Variants in SRGAP3 observed in about 807,000 individuals in gnomAD.
The protein encoded by SRGAP3 is SLIT-ROBO Rho GTPase-activating protein 3.
SRGAP3 carries 39 observed loss-of-function variants against 121.1 expected under a neutral mutation model. The observed-to-expected ratio is 0.32, with a 90% CI of 0.25 to 0.42. SRGAP3 has a LOEUF of 0.42. Among genes scored for constraint, SRGAP3 ranks in the 10% least tolerant of loss-of-function variants. SRGAP3 has a pLI of 1.00. For missense variants in SRGAP3, 1,213 were observed against 1,470.6 expected (o/e 0.82, Z 2.86); for synonymous variants, 601 against 570.0 (o/e 1.05, Z -0.77).
chr3:9,204,967 T>C (rs925311399), intron 1 of SRGAP3, among the ~76,000 whole-genome samples: 3 of 152,256 alleles, frequency 2.0e-5, no homozygotes, highest in Admixed American at 6.5e-5. Flanking sequence ...TTGTTTAAGC[T>C]TCCATGGGCC....
intron 18 of SRGAP3, among the ~76,000 whole-genome samples, chr3:9,003,331 T>C (rs1485049266): frequency 1.3e-5 from 2 of 152,048 alleles, no homozygotes; most frequent in African/African-American, 2.4e-5. Context: ...TACAAAAAAT[T>C]AGCCTGGTAT....
At chr3:9,341,554 A>G (rs1266331933) in intron 1 of SRGAP3, among the ~76,000 whole-genome samples, 2 of 152,172 alleles carry the variant, frequency 1.3e-5, no homozygotes, top group African/African-American at 4.8e-5. Context: ...GTCAGCAGCA[A>G]CACAGGCTGT....
chr3:9,213,014 T>C (rs764963316), intron 1 of SRGAP3, among the ~76,000 whole-genome samples: 3 of 152,188 alleles, frequency 2.0e-5, no homozygotes, highest in Non-Finnish European at 2.9e-5. Flanking sequence ...TGCAGCTCCA[T>C]GCCGGGGCAA....
chr3:9,131,041 C>T (rs929595274), intron 1 of SRGAP3, among the ~76,000 whole-genome samples: 2 of 152,234 alleles, frequency 1.3e-5, no homozygotes, highest in African/African-American at 4.8e-5. Context: ...GCAGCCTGCC[C>T]TGATCTGGAA....
chr3:9,170,099 G>A (rs1161114404), intron 1 of SRGAP3, among the ~76,000 whole-genome samples: 1 of 152,150 alleles, frequency 6.6e-6, no homozygotes, highest in Non-Finnish European at 1.5e-5. Flanking sequence ...CGCCCCACAG[G>A]AAGCACAGAT....
At chr3:9,023,802 G>A (rs975133991) in intron 14 of SRGAP3, among the ~76,000 whole-genome samples, 6 of 152,136 alleles carry the variant, frequency 3.9e-5, no homozygotes, top group Admixed American at 6.5e-5. Context: ...CTAAGCACCC[G>A]AGATCCTTGA....
intron 3 of SRGAP3, among the ~76,000 whole-genome samples, chr3:9,104,260 CA>C (rs1027199690): frequency 2.0e-5 from 3 of 152,086 alleles, no homozygotes; most frequent in African/African-American, 7.2e-5. Flanking sequence ...AGAAAATATA[CA>C]AATCTAAGCA....
At position 9,088,967 on chromosome 3, in the gene SRGAP3, T is replaced by C. The variant is rs184736970; in HGVS notation, c.424-8880A>G. On this transcript the variant is annotated intron_variant, in intron 3 of 21. Coordinates refer to ENST00000383836, the MANE Select transcript of SRGAP3 (RefSeq NM_014850.4). ...CAGCCCACAGATGTATTTTAGTTTATGACCAGACACTGGTGAGGTCTCTCA... is the reference window on the plus strand; with the variant it reads ...CAGCCCACAGATGTATTTTAGTTTACGACCAGACACTGGTGAGGTCTCTCA... 1.4e-3 allele frequency among the ~76,000 whole-genome samples: 211 copies of C among 152,252 alleles called. 1 individual carries two copies. The highest frequency in any genetic ancestry group is 2.4e-3 in the Non-Finnish European group (164 of 68,024).
At chr3:9,198,216 A>G (rs993297361) in intron 1 of SRGAP3, among the ~76,000 whole-genome samples, 1 of 152,228 alleles carries the variant, frequency 6.6e-6, no homozygotes, top group African/African-American at 2.4e-5. Context: ...GTTTCCAAAA[A>G]AGTTGAACAT....
intron 12 of SRGAP3, 123 bp downstream of exon 12, chr3:9,032,527 G>A (rs778601127): frequency 1.0e-4 from 92 of 881,062 alleles, no homozygotes; most frequent in Non-Finnish European, 1.6e-4. Flanking sequence ...GCAGGCTGCA[G>A]TGAGGAACTA....
chr3:9,096,443 T>C (rs1270761312), intron 3 of SRGAP3, among the ~76,000 whole-genome samples: 3 of 152,236 alleles, frequency 2.0e-5, no homozygotes, highest in Admixed American at 6.5e-5. Flanking sequence ...AACTTCTGTA[T>C]ATTAATCTTT....
At chr3:9,059,913 C>T (rs7644129) in intron 6 of SRGAP3, 3 of 397,030 alleles carry the variant, frequency 7.6e-6, no homozygotes, top group African/African-American at 2.1e-5. Flanking sequence ...ATGGTTCCCC[C>T]CTGAACCCCT....
chr3:8,988,654 C>T (rs573045876), intron 21 of SRGAP3, among the ~76,000 whole-genome samples: 78 of 152,276 alleles, frequency 5.1e-4, no homozygotes, highest in African/African-American at 1.8e-3. Context: ...TGGAGATTCA[C>T]AGTGCACATC....
At chr3:9,359,971 C>T (rs146879346) in intron 1 of SRGAP3, among the ~76,000 whole-genome samples, 190 of 152,252 alleles carry the variant, frequency 1.2e-3, no homozygotes, top group African/African-American at 4.1e-3. Flanking sequence ...TCTCTGTTGC[C>T]CAGGCTGGAG....
chr3:9,298,530 C>G (rs1401290503), intron 3 of SRGAP3, among the ~76,000 whole-genome samples: 1 of 151,672 alleles, frequency 6.6e-6, no homozygotes, highest in African/African-American at 2.4e-5. Context: ...TCCCTGTATG[C>G]ACATGCCCCT....
chr3:9,335,123 G>A (rs183190350), intron 1 of SRGAP3, among the ~76,000 whole-genome samples: 1 of 152,242 alleles, frequency 6.6e-6, no homozygotes, highest in Admixed American at 6.5e-5. Context: ...CTATTTTGTG[G>A]GTTTTCTCAG....
intron 1 of SRGAP3, among the ~76,000 whole-genome samples, chr3:9,331,246 C>A (rs1019330770): frequency 1.4e-4 from 21 of 152,064 alleles, no homozygotes; most frequent in Non-Finnish European, 2.9e-5. Context: ...GAATACCTAC[C>A]ACGTGCCAGG....
At chr3:9,245,760 C>G (rs891679438) in intron 1 of SRGAP3, among the ~76,000 whole-genome samples, 1 of 152,068 alleles carries the variant, frequency 6.6e-6, no homozygotes, top group Non-Finnish European at 1.5e-5. Context: ...CCCGTCTCTA[C>G]TAAAAATACA....
chr3:9,200,150 C>G (rs182319839), intron 1 of SRGAP3, among the ~76,000 whole-genome samples: 23 of 152,208 alleles, frequency 1.5e-4, no homozygotes, highest in African/African-American at 5.1e-4. Flanking sequence ...AAACTGTGTC[C>G]CATGAGGACT....
Sources: gnomAD v4.1 joint callset for allele counts (sites outside exome capture counted in the v4.1 genomes callset) on GRCh38, gnomAD v4.1.1 for gene constraint, MANE v1.5 for transcripts, NCBI Gene and HGNC (gene_info 2026-07-23, HGNC 2026-07-21) for gene names.